The following CELF2 variants were observed in gnomAD, a reference collection of about 807,000 sequenced individuals.
CELF2 encodes the protein CUG triplet repeat RNA-binding protein 2.
In CELF2, 8 loss-of-function variants were observed where a neutral mutation model predicts 62.6. The ratio of observed to expected loss-of-function variants is 0.13; its 90% CI spans 0.07 to 0.23. The LOEUF (loss-of-function observed/expected upper bound fraction) is 0.23. Among genes scored for constraint, CELF2 ranks in the 10% least tolerant of loss-of-function variants. The pLI is 1.00. For synonymous variants in CELF2, 258 were observed against 250.0 expected (o/e 1.03, Z -0.30); for missense variants, 333 against 671.0 (o/e 0.50, Z 5.56).
Position 11,316,085 on chromosome 10 carries a change from T to A in CELF2, c.1096+1827T>A, listed in dbSNP as rs2094955135. 6.6e-6 allele frequency among the ~76,000 whole-genome samples: 1 copy of A among 152,234 alleles called. No homozygotes were observed. The highest frequency in any genetic ancestry group is 2.1e-4 in the South Asian group (1 of 4,836). On this transcript the variant is annotated intron_variant, in intron 10 of 12. Coordinates refer to ENST00000633077, the MANE Select transcript of CELF2 (RefSeq NM_001326342.2). This position sits in a 1 kb window ranked among gnomAD's most constrained non-coding sequence, Gnocchi z 4.4. ...TTTTCCCATCGTTCTCGTCAGGGAC[T>A]GGAGAGGGGCTGTGTTGAATGGCAG... is the stretch of plus-strand genomic sequence containing the variant.
chr10:10,578,510 C>T, the CELF2 span, among the ~76,000 whole-genome samples: 2 of 152,086 alleles, frequency 1.3e-5, no homozygotes, highest in Admixed American at 6.6e-5. Context: ...ACATGTAAGT[C>T]TTTAATCCAT....
intron 2 of CELF2, among the ~76,000 whole-genome samples, chr10:11,170,059 A>G (rs1185537270): frequency 6.6e-6 from 1 of 152,212 alleles, no homozygotes; most frequent in Non-Finnish European, 1.5e-5. Flanking sequence ...GCATGGATGT[A>G]TACATGGTGC....
the CELF2 span, among the ~76,000 whole-genome samples, chr10:10,527,523 A>T: frequency 8.5e-5 from 13 of 152,266 alleles, no homozygotes; most frequent in Non-Finnish European, 1.5e-4. Flanking sequence ...CCATTTAAAG[A>T]TAACATACAC....
At chr10:10,858,270 G>C (rs1036877092) in intron 1 of CELF2, among the ~76,000 whole-genome samples, 3 of 152,160 alleles carry the variant, frequency 2.0e-5, no homozygotes, top group Non-Finnish European at 4.4e-5. Context: ...AGGCCTCTCT[G>C]TGGCCTCTCA....
In CELF2 at chr10:10,898,931, T is replaced by A. The variant is rs147352067; in HGVS notation, c.54-21033T>A. On this transcript the variant is annotated intron_variant, in intron 1 of 13. Coordinates refer to the CELF2 transcript ENST00000636488. ...ATATGTAAATGATAAAAATATTGAA[T>A]TATAAATCAGTAGGAAATCTCCAAA... is the stretch of plus-strand genomic sequence containing the variant. Among the ~76,000 whole-genome samples, 15 of 152,314 alleles carry A rather than the reference T, an allele frequency of 9.8e-5. No homozygotes were observed. The East Asian group carries it at 2.9e-3, about 29-fold the overall frequency.
At chr10:11,051,663 A>G (rs1211177847) in intron 1 of CELF2, among the ~76,000 whole-genome samples, 1 of 152,192 alleles carries the variant, frequency 6.6e-6, no homozygotes, top group African/African-American at 2.4e-5. Context: ...GATGTTAATC[A>G]GATTATCACA....
the CELF2 span, among the ~76,000 whole-genome samples, chr10:10,531,755 T>C: frequency 1.3e-5 from 2 of 152,308 alleles, no homozygotes; most frequent in South Asian, 2.1e-4. Context: ...GAATTAATCA[T>C]CTCTACTAAA....
At position 11,073,388 on chromosome 10, in the gene CELF2, G is replaced by T. The variant is rs111229058; in HGVS notation, c.74+55225G>T. Among the ~76,000 whole-genome samples the T allele has an allele frequency of 2.6e-5, 4 of 152,148 alleles. No homozygotes were observed. In the South Asian group the frequency reaches 8.3e-4, roughly 32 times the overall value. ...TAACGATTTCTGGGAATATAGACAC[G>T]TTTATTTAAAGTAGAGGAATGGCAG... On this transcript the variant is annotated intron_variant, in intron 1 of 12. Coordinates refer to ENST00000633077, the MANE Select transcript of CELF2 (RefSeq NM_001326342.2).
chr10:11,131,827 C>A (rs1318163724), intron 1 of CELF2, among the ~76,000 whole-genome samples: 1 of 152,152 alleles, frequency 6.6e-6, no homozygotes, highest in Admixed American at 6.5e-5. Flanking sequence ...AAGGTTGACC[C>A]AGGGGTCTAG....
chr10:10,469,575 T>C, the CELF2 span, among the ~76,000 whole-genome samples: 1 of 151,940 alleles, frequency 6.6e-6, no homozygotes, highest in African/African-American at 2.4e-5. Flanking sequence ...GAATTTGGTG[T>C]CTTTTTTCAT....
chr10:10,797,155 G>A, upstream of CELF2, among the ~76,000 whole-genome samples: 1 of 152,130 alleles, frequency 6.6e-6, no homozygotes, highest in South Asian at 2.1e-4. Flanking sequence ...AAAACCTGTG[G>A]GAGCATCTTC....
intron 9 of CELF2, among the ~76,000 whole-genome samples, chr10:11,312,419 T>G (rs1403173960): frequency 6.6e-6 from 1 of 152,220 alleles, no homozygotes; most frequent in African/African-American, 2.4e-5. Context: ...AAAACCAAGC[T>G]ACAAGTAAAA....
chr10:11,322,301 A>G (rs1187453338), intron 11 of CELF2, among the ~76,000 whole-genome samples: 4 of 152,358 alleles, frequency 2.6e-5, no homozygotes, highest in Admixed American at 2.6e-4. Flanking sequence ...GAAAGCAAGT[A>G]AGTGATCGAT....
At chr10:10,728,574 A>G in the CELF2 span, among the ~76,000 whole-genome samples, 1 of 152,098 alleles carries the variant, frequency 6.6e-6, no homozygotes, top group Admixed American at 6.5e-5. Flanking sequence ...TTCTCAGAAG[A>G]TAAATTTGCA....
chr10:11,167,235 A>G (rs2067486072), intron 2 of CELF2, among the ~76,000 whole-genome samples: 1 of 152,252 alleles, frequency 6.6e-6, no homozygotes, highest in African/African-American at 2.4e-5. Flanking sequence ...CTTCCATGGT[A>G]TGCTATTGAG....
At chr10:10,901,367 G>A (rs2062928233) in intron 1 of CELF2, among the ~76,000 whole-genome samples, 1 of 152,140 alleles carries the variant, frequency 6.6e-6, no homozygotes. Context: ...AAAGCAAAGA[G>A]ACCTTACATA....
chr10:10,537,909 TG>T, the CELF2 span, among the ~76,000 whole-genome samples: 1 of 152,064 alleles, frequency 6.6e-6, no homozygotes, highest in African/African-American at 2.4e-5. Flanking sequence ...GCAGAAGACT[TG>T]GGGGGTCCGT....
intron 1 of CELF2, among the ~76,000 whole-genome samples, chr10:11,036,413 G>A (rs1023614104): frequency 1.3e-5 from 2 of 152,202 alleles, no homozygotes; most frequent in Non-Finnish European, 2.9e-5. Context: ...CGCAGTAAAG[G>A]TACAGTTACT....
the CELF2 span, among the ~76,000 whole-genome samples, chr10:10,521,630 C>G: frequency 3.3e-5 from 5 of 152,118 alleles, no homozygotes; most frequent in Non-Finnish European, 5.9e-5. Flanking sequence ...CTTCATGTAA[C>G]TCGTCTGAAG....
Sources: allele counts gnomAD v4.1 joint callset (sites outside exome capture counted in the v4.1 genomes callset), GRCh38; gene constraint gnomAD v4.1.1; non-coding constraint Gnocchi (gnomAD v3.1); transcripts MANE v1.5; gene names NCBI Gene and HGNC (gene_info 2026-07-23, HGNC 2026-07-21).